Variants in PTPN13 observed in about 807,000 individuals in gnomAD.
PTPN13 encodes protein tyrosine phosphatase non-receptor type 13, also known as tyrosine-protein phosphatase non-receptor type 13.
PTPN13 carries 191 observed loss-of-function variants against 284.0 expected under a neutral mutation model. The ratio of observed to expected loss-of-function variants is 0.67; its 90% CI spans 0.60 to 0.76. PTPN13 has a LOEUF of 0.76. Among genes scored for constraint, PTPN13 ranks in the 30% least tolerant of loss-of-function variants. The probability of loss-of-function intolerance (pLI) is 0.00; values close to 1 mark genes in which losing one functional copy is unlikely to be tolerated. For synonymous variants in PTPN13, 986 were observed against 1,022.3 expected, an observed-to-expected ratio of 0.96 and a Z score of 0.68; for missense variants, 2,797 against 2,939.9, an observed-to-expected ratio of 0.95 and a Z score of 1.12.
At chr4:86,717,247 G>C (rs1444056156) in intron 9 of PTPN13, 130 bp downstream of exon 9, 3 of 616,572 alleles carry the variant, frequency 4.9e-6, no homozygotes, top group Non-Finnish European at 8.3e-6. Flanking sequence ...GGAGTGCAGT[G>C]GCGCAATCTC....
intron 1 of PTPN13, among the ~76,000 whole-genome samples, chr4:86,618,680 T>G (rs931479429): frequency 6.6e-6 from 1 of 152,248 alleles, no homozygotes; most frequent in Non-Finnish European, 1.5e-5. Context: ...TTTTATTCTC[T>G]TTGAAGCAAT....
chr4:86,788,667 G>A (rs1033565782), intron 40 of PTPN13, among the ~76,000 whole-genome samples: 5 of 152,078 alleles, frequency 3.3e-5, no homozygotes, highest in Admixed American at 6.5e-5. Flanking sequence ...AATGCTAATC[G>A]TATACATTAC....
intron 45 of PTPN13, among the ~76,000 whole-genome samples, chr4:86,809,056 T>TCA (rs1744942770): frequency 6.6e-6 from 1 of 152,106 alleles, no homozygotes; most frequent in African/African-American, 2.4e-5. Flanking sequence ...GCACATTGTA[T>TCA]TTAAAGCCAC....
At chr4:86,638,682 G>A (rs1723357157) in intron 2 of PTPN13, among the ~76,000 whole-genome samples, 2 of 152,096 alleles carry the variant, frequency 1.3e-5, no homozygotes. Context: ...ATTAATTCAA[G>A]ATGGATTAAA....
At chr4:86,629,270 A>C (rs1363312522) in intron 1 of PTPN13, among the ~76,000 whole-genome samples, 4 of 148,244 alleles carry the variant, frequency 2.7e-5, no homozygotes, top group African/African-American at 1.0e-4. Context: ...AAACAACCCC[A>C]TCAAAAAGTG....
intron 41 of PTPN13, 48 bp downstream of exon 41, chr4:86,796,977 A>C (rs1423596331): frequency 1.8e-6 from 2 of 1,097,778 alleles, no homozygotes; most frequent in Non-Finnish European, 2.7e-6. Flanking sequence ...GTCTATCTAT[A>C]AATGCTCTGA....
At chr4:86,626,006 A>G (rs1355454540) in intron 1 of PTPN13, among the ~76,000 whole-genome samples, 1 of 152,176 alleles carries the variant, frequency 6.6e-6, no homozygotes, top group African/African-American at 2.4e-5. Context: ...TAGCGAGGAA[A>G]GGTGTTGTAG....
intron 15 of PTPN13, among the ~76,000 whole-genome samples, chr4:86,736,764 A>G (rs555621049): frequency 5.9e-4 from 90 of 152,356 alleles, no homozygotes; most frequent in South Asian, 8.3e-4. Context: ...TCTTATTTCA[A>G]CTAGCTGAGT....
intron 43 of PTPN13, among the ~76,000 whole-genome samples, chr4:86,804,619 G>GTTTATAAGGAT (rs1337284261): frequency 6.6e-6 from 1 of 152,146 alleles, no homozygotes; most frequent in African/African-American, 2.4e-5. Flanking sequence ...ACAAAGTAGT[G>GTTTATAAGGAT]TTTATAAGGA....
Position 86,635,394 on chromosome 4 carries a change from G to C in PTPN13, c.115+23G>C, listed in dbSNP as rs1310649629. The stretch of plus-strand genomic sequence containing the variant: ...AAGGTAAGCTGCTGCTGCTGCTGCT[G>C]TTGTTGTTGTTGTTTCAGTATTGGG... On this transcript the variant is annotated intron_variant, in intron 2 of 47. Coordinates refer to ENST00000411767, the MANE Select transcript of PTPN13 (RefSeq NM_080683.3). 9.0e-6 allele frequency: 14 copies of C among 1,557,930 alleles called. No individual in the cohort carries two copies. In the Admixed American group the frequency reaches 2.7e-4, roughly 30 times the overall value.
intron 7 of PTPN13, among the ~76,000 whole-genome samples, chr4:86,713,269 G>C (rs1168991991): frequency 6.6e-6 from 1 of 151,896 alleles, no homozygotes; most frequent in African/African-American, 2.4e-5. Context: ...AGTTTTTTTG[G>C]AAAAGTCCCT....
At chr4:86,813,235 A>C (rs532461736) in intron 47 of PTPN13, among the ~76,000 whole-genome samples, 5 of 152,364 alleles carry the variant, frequency 3.3e-5, no homozygotes, top group African/African-American at 1.2e-4. Flanking sequence ...TAGCTATTTT[A>C]AATGAGATTC....
At chr4:86,708,088 A>G (rs1336212279) in intron 7 of PTPN13, among the ~76,000 whole-genome samples, 2 of 152,200 alleles carry the variant, frequency 1.3e-5, no homozygotes, top group Non-Finnish European at 2.9e-5. Flanking sequence ...ATATCTGCAC[A>G]GTCCAACTCA....
intron 17 of PTPN13, among the ~76,000 whole-genome samples, chr4:86,748,947 G>A (rs1337120010): frequency 2.6e-5 from 4 of 152,152 alleles, no homozygotes; most frequent in East Asian, 3.9e-4. Flanking sequence ...GAGCCACTGC[G>A]CCCAGCCTGA....
intron 27 of PTPN13, 77 bp downstream of exon 27, chr4:86,766,594 G>A: frequency 9.5e-7 from 1 of 1,054,680 alleles, no homozygotes. Flanking sequence ...AGTTCTCATT[G>A]AGATCTCTAA....
chr4:86,762,121 C>T (rs1000390634), intron 23 of PTPN13, among the ~76,000 whole-genome samples: 2 of 152,166 alleles, frequency 1.3e-5, no homozygotes, highest in African/African-American at 4.8e-5. Flanking sequence ...TCCAGGTGCA[C>T]ACCATCACGC....
intron 15 of PTPN13, among the ~76,000 whole-genome samples, chr4:86,738,376 G>A (rs1348770180): frequency 6.6e-6 from 1 of 152,160 alleles, no homozygotes; most frequent in East Asian, 1.9e-4. Flanking sequence ...ACACTTGGTA[G>A]TTTCAGTCTT....
At chr4:86,628,539 A>C (rs1252718972) in intron 1 of PTPN13, among the ~76,000 whole-genome samples, 1 of 138,866 alleles carries the variant, frequency 7.2e-6, no homozygotes, top group Non-Finnish European at 1.5e-5. Flanking sequence ...TTTAGGGTAC[A>C]TGTGCACATT....
intron 17 of PTPN13, among the ~76,000 whole-genome samples, chr4:86,748,317 A>G (rs993154425): frequency 1.3e-5 from 2 of 152,154 alleles, no homozygotes; most frequent in African/African-American, 4.8e-5. Context: ...GGCTCATTCT[A>G]ATCTATGTTG....
Sources: gnomAD v4.1 joint callset for allele counts (sites outside exome capture counted in the v4.1 genomes callset) on GRCh38, gnomAD v4.1.1 for gene constraint, MANE v1.5 for transcripts, NCBI Gene and HGNC (gene_info 2026-07-23, HGNC 2026-07-21) for gene names.